Variants in ANO1 observed in about 807,000 individuals in gnomAD.
The protein encoded by ANO1 is anoctamin-1.
A neutral mutation model predicts 124.0 loss-of-function variants in ANO1; 59 were observed. The ratio of observed to expected loss-of-function variants is 0.48; its 90% CI spans 0.39 to 0.59. The LOEUF (loss-of-function observed/expected upper bound fraction) is 0.59. Ranked by LOEUF, ANO1 falls within the 20% of genes least tolerant of loss-of-function variation. The pLI is 0.00. For missense variants in ANO1, 1,059 were observed against 1,328.0 expected (o/e 0.80, Z 3.15); for synonymous variants, 529 against 532.0 (o/e 0.99, Z 0.08).
intron 8 of ANO1, among the ~76,000 whole-genome samples, chr11:70,121,812 G>GTCTC (rs767321296): frequency 4.1e-5 from 2 of 48,492 alleles, no homozygotes; most frequent in Non-Finnish European, 7.7e-5. Flanking sequence ...CTCTGTCTCT[G>GTCTC]TCTCTCCATC....
At chr11:69,970,954 G>A in the ANO1 span, among the ~76,000 whole-genome samples, 3 of 152,190 alleles carry the variant, frequency 2.0e-5, no homozygotes, top group East Asian at 1.9e-4. Context: ...CTCCCTTCTT[G>A]GAAGCTGCCC....
chr11:70,063,273 G>T (rs1173233013), intron 1 of ANO1, among the ~76,000 whole-genome samples: 3 of 152,160 alleles, frequency 2.0e-5, no homozygotes, highest in Non-Finnish European at 4.4e-5. Flanking sequence ...GCAGGGAGGG[G>T]AGGAAAGAAT....
chr11:69,979,330 G>T, the ANO1 span, among the ~76,000 whole-genome samples: 1 of 152,158 alleles, frequency 6.6e-6, no homozygotes, highest in Non-Finnish European at 1.5e-5. Flanking sequence ...TAAGCAGAAG[G>T]TTGGCATGGT....
At chr11:70,060,061 C>A (rs961974977) in intron 1 of ANO1, among the ~76,000 whole-genome samples, 1 of 146,856 alleles carries the variant, frequency 6.8e-6, no homozygotes, top group Non-Finnish European at 1.5e-5. Flanking sequence ...CCAGCCTTGG[C>A]GGCAGGAGAG....
intron 2 of ANO1, among the ~76,000 whole-genome samples, chr11:70,098,858 C>T (rs556898922): frequency 4.3e-4 from 66 of 152,276 alleles, no homozygotes; most frequent in African/African-American, 1.5e-3. Flanking sequence ...ACCATGGGGA[C>T]TCACTTCTCC....
chr11:70,124,180 A>G (rs1008325129), intron 8 of ANO1, among the ~76,000 whole-genome samples, 170 bp from the exon 9 acceptor site: 2 of 152,194 alleles, frequency 1.3e-5, no homozygotes, highest in Non-Finnish European at 2.9e-5. Context: ...ATAACCTGCC[A>G]GAAGCTTCTT....
chr11:70,113,420 A>G (rs145092596), intron 7 of ANO1, among the ~76,000 whole-genome samples: 1 of 152,164 alleles, frequency 6.6e-6, no homozygotes, highest in Non-Finnish European at 1.5e-5. Context: ...CCCCTAGACC[A>G]GGGCAGTGGC....
Position 70,182,557 on chromosome 11 carries a change from T to A in ANO1, c.2459T>A (p.Met820Lys). The change falls in exon 24 of 26, where the codon ATG (methionine) becomes AAG (lysine). Residue 820 changes from methionine (M) to lysine (K), a missense_variant. Physicochemically the swap from Met to Lys is moderately conservative, Grantham distance 95. This residue lies in a region of ANO1 where 809 missense variants were observed against 1,094.9 expected (regional missense o/e 0.74). Transcript: ENST00000355303. ...DFIPRLVYLY[M>K]YSKNGTMHGF... ...ATCCCGCGCCTGGTGTACCTCTACATGTACAGTAAGAACGGGACCATGCAC... is the reference window on the plus strand; with the variant it reads ...ATCCCGCGCCTGGTGTACCTCTACAAGTACAGTAAGAACGGGACCATGCAC... 2 of 1,612,996 alleles carry A rather than the reference T, an allele frequency of 1.2e-6. No homozygotes were observed.
At chr11:70,088,985 G>C (rs1043730858) in intron 2 of ANO1, among the ~76,000 whole-genome samples, 1 of 152,208 alleles carries the variant, frequency 6.6e-6, no homozygotes, top group Non-Finnish European at 1.5e-5. Flanking sequence ...TGGCTGCTGC[G>C]GGGCCGAGGG....
At chr11:70,103,299 T>G in intron 3 of ANO1, 135 bp downstream of exon 3, 1 of 690,276 alleles carries the variant, frequency 1.4e-6, no homozygotes, top group Non-Finnish European at 2.4e-6. Flanking sequence ...CGGCTACCCC[T>G]GCAAAGACCA....
At chr11:70,082,077 CTG>C (rs1396414884) in intron 1 of ANO1, among the ~76,000 whole-genome samples, 1 of 152,240 alleles carries the variant, frequency 6.6e-6, no homozygotes, top group Non-Finnish European at 1.5e-5. Flanking sequence ...GATGAGAAAA[CTG>C]AGGCTCCCAG....
intron 21 of ANO1, among the ~76,000 whole-genome samples, chr11:70,167,770 C>A (rs1411800609): frequency 6.6e-6 from 1 of 152,162 alleles, no homozygotes; most frequent in African/African-American, 2.4e-5. Flanking sequence ...TTGTGCAGCT[C>A]TTCCTCCTCC....
rs1343308154 is a variant in ANO1, at chr11:70,161,215, G to A, written c.1633G>A (p.Ala545Thr). The A allele has an allele frequency of 6.2e-7, 1 of 1,613,736 alleles. No individual in the cohort carries two copies. Among genetic ancestry groups the A allele is most frequent in the Non-Finnish European group, 8.5e-7 (1 of 1,179,696 alleles). The change falls in exon 17 of 26, where the codon GCC (alanine) becomes ACC (threonine). Residue 545 changes from alanine to threonine, a missense_variant. By Grantham distance (58) the Ala-to-Thr change is moderately conservative. Transcript: ENST00000355303. ...LGVIIYRISM[A>T]AALAMNSSPS... is the part of the protein sequence containing the mutation. ...CGTCATCATCTACAGAATCTCCATG[G>A]CCGCCGCCTTGGCCATGAACTCCTC... is the stretch of plus-strand genomic sequence containing the variant.
rs112069759 is a variant in ANO1 at position 70,018,800 on chromosome 11, C to T, written c.58+32634C>T. 7.6e-3 allele frequency among the ~76,000 whole-genome samples: 1,157 copies of T among 152,340 alleles called. 17 individuals carry two copies. Among genetic ancestry groups the T allele is most frequent in the African/African-American group, 0.025 (1,047 of 41,570 alleles). ...AGCCCATCCCCTGAGTCTGTGCCAG[C>T]AAGAGACCACACATTCATTATGCAT... On this transcript the variant is annotated intron_variant, in intron 1 of 27. Transcript: ENST00000531349.
rs745765850 is a variant in ANO1 at position 70,166,304 on chromosome 11, C to T, written c.2051+734C>T. The stretch of plus-strand genomic sequence containing the variant: ...CTGCACTCCAGCCTGGGCGACAGAC[C>T]GAGACTCCGTCTCAAAAAAATAAAT... On this transcript the variant is annotated intron_variant, in intron 20 of 25. Transcript: ENST00000355303. 2.0e-5 allele frequency among the ~76,000 whole-genome samples: 3 copies of T among 151,972 alleles called. No homozygotes were observed. In the South Asian group the frequency reaches 6.2e-4, roughly 32 times the overall value.
chr11:70,020,904 G>A (rs1856794177), intron 1 of ANO1: 1 of 152,262 alleles, frequency 6.6e-6, no homozygotes, highest in Non-Finnish European at 1.5e-5. Context: ...AACAGGCCCA[G>A]TGACCATTCA....
intron 1 of ANO1, among the ~76,000 whole-genome samples, chr11:70,062,035 TAGAG>T (rs1308970508): frequency 5.3e-5 from 8 of 149,724 alleles, no homozygotes; most frequent in Non-Finnish European, 7.4e-5. Context: ...ACTTTGGAAA[TAGAG>T]AGGTGATTTT....
At chr11:70,079,124 G>A (rs1323643476) in intron 1 of ANO1, among the ~76,000 whole-genome samples, 2 of 152,178 alleles carry the variant, frequency 1.3e-5, no homozygotes, top group African/African-American at 4.8e-5. Context: ...GCCAGGGTGA[G>A]GGTGATGGTG....
chr11:70,153,818 T>C lies in ANO1; in HGVS notation c.1425+690T>C, dbSNP rs546997879. Among the ~76,000 whole-genome samples the C allele has an allele frequency of 3.9e-5, 6 of 152,284 alleles. No homozygotes were observed. The East Asian group carries it at 1.2e-3, about 29-fold the overall frequency. The stretch of plus-strand genomic sequence containing the variant: ...TCTCTCTCTGTCGCTCAGGATGGAC[T>C]GCAATGGCATGATCTCGGCTCACTG... On this transcript the variant is annotated intron_variant, in intron 14 of 25. Transcript: ENST00000355303.
Sources: gnomAD v4.1 joint callset for allele counts (sites outside exome capture counted in the v4.1 genomes callset) on GRCh38, gnomAD v4.1.1 for gene constraint, gnomAD v4.1.1 regional missense constraint, MANE v1.5 for transcripts, NCBI Gene and HGNC (gene_info 2026-07-23, HGNC 2026-07-21) for gene names.